SLC4A10: variants seen among roughly 807,000 people sequenced by gnomAD.
SLC4A10 encodes the protein sodium-driven chloride bicarbonate exchanger.
A neutral mutation model predicts 137.7 loss-of-function variants in SLC4A10; 42 were observed. The observed-to-expected ratio is 0.30, with a 90% CI of 0.24 to 0.39. SLC4A10 has a LOEUF of 0.39. Among genes scored for constraint, SLC4A10 ranks in the 10% least tolerant of loss-of-function variants. The pLI is 1.00. For synonymous variants in SLC4A10, 474 were observed against 464.1 expected (o/e 1.02, Z -0.27); for missense variants, 925 against 1,355.0 (o/e 0.68, Z 4.98).
At chr2:161,968,408 G>A (rs984684463) in intron 23 of SLC4A10, among the ~76,000 whole-genome samples, 2 of 152,110 alleles carry the variant, frequency 1.3e-5, no homozygotes, top group African/African-American at 4.8e-5. Context: ...CTCTGATTAT[G>A]AAGATAAAGA....
intron 1 of SLC4A10, among the ~76,000 whole-genome samples, chr2:161,735,492 A>T (rs560722223): frequency 6.6e-6 from 1 of 152,306 alleles, no homozygotes; most frequent in South Asian, 2.1e-4. Flanking sequence ...ATTTTAAGTT[A>T]CTGAAAATAA....
intron 1 of SLC4A10, among the ~76,000 whole-genome samples, chr2:161,764,278 T>G (rs1003004211): frequency 2.6e-5 from 4 of 152,120 alleles, no homozygotes; most frequent in African/African-American, 9.7e-5. Flanking sequence ...CATGCTATCT[T>G]TTTTTAAAGA....
At chr2:161,935,071 G>T (rs1320709415) in intron 15 of SLC4A10, among the ~76,000 whole-genome samples, 2 of 152,162 alleles carry the variant, frequency 1.3e-5, no homozygotes, top group Non-Finnish European at 2.9e-5. Flanking sequence ...AATATGGTGT[G>T]AGATAAGGGT....
chr2:161,875,440 A>G (rs910351929), intron 8 of SLC4A10, among the ~76,000 whole-genome samples: 4 of 152,208 alleles, frequency 2.6e-5, no homozygotes, highest in African/African-American at 7.2e-5. Context: ...TGATTTGATC[A>G]TATTTATTCC....
chr2:161,950,650 C>A, intron 18 of SLC4A10, 37 bp from the exon 19 acceptor site: 1 of 1,552,654 alleles, frequency 6.4e-7, no homozygotes, highest in Non-Finnish European at 8.7e-7. Flanking sequence ...ATTCATTAAT[C>A]CAGTTCATAA....
At chr2:161,879,435 G>A in intron 9 of SLC4A10, 147 bp downstream of exon 9, 2 of 837,928 alleles carry the variant, frequency 2.4e-6, no homozygotes, top group Non-Finnish European at 1.7e-6. Context: ...TGTTTGTGGA[G>A]GAGGGGAAAA....
chr2:161,810,725 T>G (rs1159716586), intron 3 of SLC4A10, among the ~76,000 whole-genome samples: 1 of 152,032 alleles, frequency 6.6e-6, no homozygotes, highest in African/African-American at 2.4e-5. Context: ...CCCACTTTTC[T>G]CATAGTGAAT....
Position 161,829,861 on chromosome 2 carries a change from G to C in SLC4A10, c.278-9928G>C, listed in dbSNP as rs150257350. On this transcript the variant is annotated intron_variant, in intron 3 of 26. Transcript: ENST00000446997. ...ACATCTTACATGGCAGCAGACAAGA[G>C]AGAATAAGAGCCAAGCAAAAGGGGT... 5.4e-3 allele frequency among the ~76,000 whole-genome samples: 826 copies of C among 152,188 alleles called. 11 individuals carry two copies. Among genetic ancestry groups the C allele is most frequent in the Middle Eastern group, 0.037 (11 of 294 alleles).
chr2:161,869,110 A>G (rs1395695866), intron 6 of SLC4A10, among the ~76,000 whole-genome samples: 1 of 151,698 alleles, frequency 6.6e-6, no homozygotes, highest in Non-Finnish European at 1.5e-5. Flanking sequence ...CTAAACTTAT[A>G]CTAATTTTTT....
intron 1 of SLC4A10, among the ~76,000 whole-genome samples, chr2:161,754,037 G>C (rs1051836007): frequency 6.6e-6 from 1 of 151,812 alleles, no homozygotes; most frequent in African/African-American, 2.4e-5. Flanking sequence ...CTATAGGTAT[G>C]TGCCACCACA....
In SLC4A10 at chr2:161,942,870, CAT is replaced by C; in HGVS notation, c.2078_2079del (p.Ile693AsnfsTer25). On this transcript the variant is annotated frameshift_variant, in exon 16 of 27. Transcript: ENST00000446997. LOFTEE classifies it high-confidence loss of function. ...GGGAATCCAATATTTCTGCCTCTGACATAATTTGGGAGAACCTAACTGTGTCA... is the reference window on the plus strand; with the variant it reads ...GGGAATCCAATATTTCTGCCTCTGACAATTTGGGAGAACCTAACTGTGTCA... Reference protein sequence around the residue: ...WRESNISASDIIWENLTVSEC... With the variant: ...WRESNISASDXIWENLTVSEC... 1 of 1,599,584 alleles carries C rather than the reference CAT, an allele frequency of 6.3e-7. No homozygotes were observed. Among genetic ancestry groups the C allele is most frequent in the Non-Finnish European group, 8.5e-7 (1 of 1,172,590 alleles).
chr2:161,635,495 T>C (rs970162680), intron 1 of SLC4A10, among the ~76,000 whole-genome samples: 5 of 152,200 alleles, frequency 3.3e-5, no homozygotes, highest in Non-Finnish European at 7.4e-5. Flanking sequence ...GGGTCTGCTT[T>C]TGCTTTGACT....
intron 3 of SLC4A10, among the ~76,000 whole-genome samples, chr2:161,838,191 C>G (rs1376759630): frequency 6.6e-6 from 1 of 151,978 alleles, no homozygotes; most frequent in African/African-American, 2.4e-5. Context: ...ACGGCACAAA[C>G]CATGAAGAAT....
intron 1 of SLC4A10, among the ~76,000 whole-genome samples, chr2:161,750,511 T>G (rs2048857928): frequency 6.6e-6 from 1 of 151,896 alleles, no homozygotes; most frequent in Non-Finnish European, 1.5e-5. Flanking sequence ...CAAGGATATG[T>G]TATTTAGTTT....
At chr2:161,660,613 T>TTTCC (rs2038218991) in intron 1 of SLC4A10, among the ~76,000 whole-genome samples, 28 of 130,258 alleles carry the variant, frequency 2.1e-4, no homozygotes, top group African/African-American at 3.7e-4. Context: ...TCTTTCTTTC[T>TTTCC]TTCTTTCTTT....
intron 1 of SLC4A10, among the ~76,000 whole-genome samples, chr2:161,673,483 T>C (rs553454118): frequency 6.6e-4 from 101 of 152,254 alleles, no homozygotes; most frequent in African/African-American, 2.3e-3. Context: ...TAAATGCTTT[T>C]TCAAAATTCT....
At chr2:161,906,843 A>G (rs917353147) in intron 15 of SLC4A10, among the ~76,000 whole-genome samples, 1 of 152,130 alleles carries the variant, frequency 6.6e-6, no homozygotes, top group Non-Finnish European at 1.5e-5. Context: ...TCACGAGGTC[A>G]GGAGATCGAG....
intron 10 of SLC4A10, among the ~76,000 whole-genome samples, chr2:161,885,243 T>C (rs2062159889): frequency 6.6e-6 from 1 of 151,840 alleles, no homozygotes; most frequent in Non-Finnish European, 1.5e-5. Context: ...ATTGTACTCA[T>C]TAAGAATAGA....
chr2:161,758,980 A>T (rs1419337217), intron 1 of SLC4A10, among the ~76,000 whole-genome samples: 1 of 151,994 alleles, frequency 6.6e-6, no homozygotes, highest in African/African-American at 2.4e-5. Flanking sequence ...AATAAAAAGG[A>T]TCTAACAATC....
Sources: allele counts gnomAD v4.1 joint callset (sites outside exome capture counted in the v4.1 genomes callset), GRCh38; gene constraint gnomAD v4.1.1; transcripts MANE v1.5; gene names NCBI Gene and HGNC (gene_info 2026-07-23, HGNC 2026-07-21).